ENOX2: variants seen among roughly 807,000 people sequenced by gnomAD.
ENOX2 encodes ecto-NOX disulfide-thiol exchanger 2.
In ENOX2, 36 loss-of-function variants were observed where a neutral mutation model predicts 45.0. The ratio of observed to expected loss-of-function variants is 0.80; its 90% CI spans 0.61 to 1.06. ENOX2 has a LOEUF of 1.06. ENOX2 is among the 50% of genes least tolerant of loss of function. The pLI is 0.00. For missense variants in ENOX2, 423 were observed against 462.5 expected, an observed-to-expected ratio of 0.91 and a Z score of 0.78; for synonymous variants, 174 against 152.3, an observed-to-expected ratio of 1.14 and a Z score of -1.05.
At chrX:130,859,256 CG>C (rs1273960053) in intron 2 of ENOX2, among the ~76,000 whole-genome samples, 1 of 111,702 alleles carries the variant, frequency 9.0e-6, no homozygotes, top group Non-Finnish European at 1.9e-5. Context: ...TGCTTGAACC[CG>C]GGAGGCGGAG....
At chrX:130,709,252 C>T (rs1266401121) in intron 3 of ENOX2, 1 of 1,207,246 alleles carries the variant, frequency 8.3e-7, no homozygotes, top group Admixed American at 2.2e-5. Context: ...CCTGCATAGC[C>T]TATTTCGTAG....
At chrX:130,659,274 T>A (rs1211284947) in intron 9 of ENOX2, among the ~76,000 whole-genome samples, 1 of 112,530 alleles carries the variant, frequency 8.9e-6, no homozygotes, top group Non-Finnish European at 1.9e-5. Context: ...TAATGATTTC[T>A]ATCTCAAGTT....
intron 9 of ENOX2, 31 bp from the exon 10 acceptor site, chrX:130,656,726 G>A (rs751561105): frequency 1.2e-6 from 1 of 800,851 alleles, no homozygotes; most frequent in African/African-American, 2.1e-5. Context: ...TTTTAGGTGG[G>A]AATTCCTTGA....
At position 130,890,920 on chromosome X, in the gene ENOX2, G is replaced by A. The variant is rs80184440; in HGVS notation, c.-183+10764C>T. 4.0e-3 allele frequency among the ~76,000 whole-genome samples: 451 copies of A among 113,070 alleles called. 21 individuals are homozygous for A. In the East Asian group the frequency reaches 0.1, roughly 26 times the overall value. On this transcript the variant is annotated intron_variant, in intron 2 of 14. Coordinates refer to ENST00000394363, the MANE Select transcript of ENOX2 (RefSeq NM_006375.4). ...ATATCCCAATATCCCAGTTTTAATA[G>A]TCTATGCCAACTGTGGAATTTAGTC...
In ENOX2 at chrX:130,864,818, A is replaced by G. The variant is rs182770388; in HGVS notation, c.-183+36866T>C. 4.5e-5 allele frequency among the ~76,000 whole-genome samples: 5 copies of G among 112,005 alleles called. No homozygotes were observed. The Admixed American group carries it at 4.7e-4, about 11-fold the overall frequency. On this transcript the variant is annotated intron_variant, in intron 2 of 14. Transcript: ENST00000394363. ...CACTTGAGGCCAGGAGTTTGAGACCAGCCTGGCCAACATGTGAAACCCCAT... is the reference window on the plus strand; with the variant it reads ...CACTTGAGGCCAGGAGTTTGAGACCGGCCTGGCCAACATGTGAAACCCCAT...
intron 2 of ENOX2, among the ~76,000 whole-genome samples, chrX:130,839,262 T>C (rs1315006839): frequency 1.8e-5 from 2 of 111,729 alleles, no homozygotes; most frequent in East Asian, 5.7e-4. Context: ...GATCAAGCCC[T>C]ATCTATGCCA....
At chrX:130,852,436 C>T (rs2078229383) in intron 2 of ENOX2, among the ~76,000 whole-genome samples, 2 of 111,442 alleles carry the variant, frequency 1.8e-5, no homozygotes, top group African/African-American at 6.5e-5. Flanking sequence ...TCCATAGATA[C>T]AAAATAGAGA....
In ENOX2 at chrX:130,886,441, T is replaced by C. The variant is rs779156174; in HGVS notation, c.-183+15243A>G. Among the ~76,000 whole-genome samples, 3 of 112,399 alleles carry C rather than the reference T, an allele frequency of 2.7e-5. No individual in the cohort carries two copies. In the Admixed American group the frequency reaches 2.8e-4, roughly 11 times the overall value. Reference sequence around the variant, plus strand: ...GTGAAACTTTCTCAGGGTTTTTCATTTGCAAGGGACCTTTCTGTCTAACTG... The same window carrying C: ...GTGAAACTTTCTCAGGGTTTTTCATCTGCAAGGGACCTTTCTGTCTAACTG... On this transcript the variant is annotated intron_variant, in intron 2 of 14. Transcript: ENST00000394363.
At chrX:130,676,317 AT>A (rs371011770) in intron 6 of ENOX2, among the ~76,000 whole-genome samples, 17 of 108,762 alleles carry the variant, frequency 1.6e-4, no homozygotes, top group East Asian at 8.6e-4. Context: ...TTTGTAAGGG[AT>A]TTTTTTTTTG....
intron 3 of ENOX2, among the ~76,000 whole-genome samples, chrX:130,745,065 T>C (rs912980008): frequency 9.0e-6 from 1 of 111,691 alleles, no homozygotes; most frequent in African/African-American, 3.3e-5. Flanking sequence ...AAAATTGTCT[T>C]CCACGAAACC....
chrX:130,791,810 A>G (rs1022100574), intron 2 of ENOX2, among the ~76,000 whole-genome samples: 111 of 111,922 alleles, frequency 9.9e-4, no homozygotes, highest in Middle Eastern at 4.6e-3. Context: ...CTCCTAATGT[A>G]TCTGCATAAT....
chrX:130,674,386 A>T (rs1343556921), intron 6 of ENOX2, among the ~76,000 whole-genome samples: 2 of 110,274 alleles, frequency 1.8e-5, no homozygotes, highest in Non-Finnish European at 3.8e-5. Context: ...AAAGAACAGA[A>T]TAGCAGTGAG....
chrX:130,723,714 C>A (rs756760214), intron 3 of ENOX2, among the ~76,000 whole-genome samples: 4 of 111,384 alleles, frequency 3.6e-5, no homozygotes, highest in Admixed American at 1.9e-4. Flanking sequence ...GTCTAAGGGA[C>A]CCCTCCCCAT....
At chrX:130,632,433 CT>C in intron 12 of ENOX2, among the ~76,000 whole-genome samples, 1 of 100,962 alleles carries the variant, frequency 9.9e-6, no homozygotes, top group African/African-American at 3.5e-5. Flanking sequence ...TGAAAAATAC[CT>C]CCAGACCTTT....
At chrX:130,869,621 C>T (rs947463672) in intron 2 of ENOX2, among the ~76,000 whole-genome samples, 1 of 112,175 alleles carries the variant, frequency 8.9e-6, no homozygotes, top group Admixed American at 9.4e-5. Context: ...GAAACTCAGA[C>T]ACAAAGCCAC....
intron 2 of ENOX2, among the ~76,000 whole-genome samples, chrX:130,890,365 GT>G (rs1372660802): frequency 9.0e-6 from 1 of 111,205 alleles, no homozygotes; most frequent in Non-Finnish European, 1.9e-5. Context: ...AGCACTAATG[GT>G]TCCCTAAACC....
At chrX:130,632,244 C>CA (rs1399660278) in intron 12 of ENOX2, among the ~76,000 whole-genome samples, 1 of 109,458 alleles carries the variant, frequency 9.1e-6, no homozygotes, top group Non-Finnish European at 1.9e-5. Context: ...CTGATGAGGA[C>CA]ATTATCAGTT....
At chrX:130,790,986 A>G (rs758631654) in intron 2 of ENOX2, among the ~76,000 whole-genome samples, 2 of 112,160 alleles carry the variant, frequency 1.8e-5, no homozygotes, top group African/African-American at 3.2e-5. Flanking sequence ...CAAGGAATTC[A>G]GGCTTTTTGT....
intron 5 of ENOX2, 95 bp downstream of exon 5, chrX:130,688,768 T>C: frequency 2.7e-6 from 2 of 733,642 alleles, no homozygotes; most frequent in Non-Finnish European, 3.9e-6. Context: ...CGTACAAACA[T>C]CTATGAAGCC....
Sources: allele counts gnomAD v4.1 joint callset (sites outside exome capture counted in the v4.1 genomes callset), GRCh38; gene constraint gnomAD v4.1.1; transcripts MANE v1.5; gene names NCBI Gene and HGNC (gene_info 2026-07-23, HGNC 2026-07-21).